The following PTCD2 variants were observed in gnomAD, a reference collection of about 807,000 sequenced individuals.
The protein encoded by PTCD2 is pentatricopeptide repeat-containing protein 2, mitochondrial.
PTCD2 carries 31 observed loss-of-function variants against 42.6 expected under a neutral mutation model. The observed-to-expected ratio is 0.73, with a 90% confidence interval of 0.55 to 0.98. The LOEUF is 0.98. Among genes scored for constraint, PTCD2 ranks in the 50% least tolerant of loss-of-function variants. The probability of loss-of-function intolerance (pLI) is 0.00; values close to 1 mark genes in which losing one functional copy is unlikely to be tolerated. For missense variants in PTCD2, 476 were observed against 454.8 expected, an observed-to-expected ratio of 1.05 and a Z score of -0.42; for synonymous variants, 183 against 170.9, an observed-to-expected ratio of 1.07 and a Z score of -0.55.
chr5:72,334,117 C>G (rs1382746134), intron 4 of PTCD2, among the ~76,000 whole-genome samples: 1 of 152,280 alleles, frequency 6.6e-6, no homozygotes, highest in South Asian at 2.1e-4. Flanking sequence ...GATCCCGCCT[C>G]TCCCTCCCAA....
chr5:72,324,252 A>G (rs921585492), intron 2 of PTCD2, among the ~76,000 whole-genome samples: 2 of 152,240 alleles, frequency 1.3e-5, no homozygotes, highest in Non-Finnish European at 2.9e-5. Context: ...GGCAATTAAT[A>G]TAATCAGTGC....
At chr5:72,345,721 T>A (rs1267494566) in intron 8 of PTCD2, among the ~76,000 whole-genome samples, 1 of 152,258 alleles carries the variant, frequency 6.6e-6, no homozygotes, top group African/African-American at 2.4e-5. Flanking sequence ...ATAGTTGCTA[T>A]CTTTTTGTTG....
chr5:72,344,091 GA>G (rs968350361), intron 8 of PTCD2, among the ~76,000 whole-genome samples: 28 of 152,260 alleles, frequency 1.8e-4, no homozygotes, highest in Admixed American at 5.9e-4. Flanking sequence ...GGAGCAACGT[GA>G]GGGGCCCTTA....
In PTCD2 at chr5:72,363,829, A is replaced by G. The variant is rs981020274; in HGVS notation, c.*5402A>G. On this transcript the variant is annotated 3_prime_UTR_variant, in exon 10 of 10. Coordinates refer to ENST00000380639, the MANE Select transcript of PTCD2 (RefSeq NM_024754.5). ...AAGAAATCCATACAAACTAAGGCCA[A>G]TTGTGGCAAAACTACATGAGACTTG... 6.6e-6 allele frequency: 1 copy of G among 152,248 alleles called. No homozygotes were observed. The highest frequency in any genetic ancestry group is 2.4e-5 in the African/African-American group (1 of 41,468). The allele number at this position is 152,248 out of a possible 1,614,324, so 9.4% of individuals were successfully genotyped here. A position where few individuals can be genotyped will look rare whatever the true frequency, so the allele number is the denominator to read the frequency against.
At position 72,358,826 on chromosome 5, in the gene PTCD2, A is replaced by T. The variant is rs1200407539; in HGVS notation, c.*399A>T. 3 of 212,328 alleles carry T rather than the reference A, an allele frequency of 1.4e-5. No homozygotes were observed. The Admixed American group carries it at 1.6e-4, about 11-fold the overall frequency. 13.2% of individuals were successfully genotyped at this position (212,328 alleles called of 1,614,324 possible). ...TACATCCTTGCTGAATTCAGGAGGT[A>T]TGAAACCCTATTTTACCATGTTAGA... is the stretch of plus-strand genomic sequence containing the variant. On this transcript the variant is annotated 3_prime_UTR_variant, in exon 10 of 10. Transcript: ENST00000380639.
At chr5:72,350,089 C>A (rs1215202880) in intron 8 of PTCD2, among the ~76,000 whole-genome samples, 1 of 152,188 alleles carries the variant, frequency 6.6e-6, no homozygotes, top group Non-Finnish European at 1.5e-5. Flanking sequence ...TTGCCTTGTA[C>A]TACATAGCAC....
At chr5:72,331,776 C>T (rs75614103) in intron 4 of PTCD2, among the ~76,000 whole-genome samples, 2,075 of 152,244 alleles carry the variant, frequency 0.014, 52 homozygotes, top group African/African-American at 0.048. Context: ...AAGTGCTTTT[C>T]TATTTTCAAA....
intron 8 of PTCD2, among the ~76,000 whole-genome samples, chr5:72,352,413 T>C (rs1407201518): frequency 3.3e-5 from 5 of 152,190 alleles, no homozygotes; most frequent in African/African-American, 1.2e-4. Flanking sequence ...CCCAAAGTGC[T>C]GGGATTACAG....
chr5:72,326,576 C>G (rs1751150381), intron 2 of PTCD2, 36 bp from the exon 3 acceptor site: 9 of 1,611,478 alleles, frequency 5.6e-6, no homozygotes, highest in Non-Finnish European at 6.8e-6. Context: ...TCTCAGTCAG[C>G]CTGAGTGATG....
intron 8 of PTCD2, among the ~76,000 whole-genome samples, chr5:72,351,739 G>A (rs1452265562): frequency 6.6e-6 from 1 of 151,992 alleles, no homozygotes. Context: ...GGGGGAAACT[G>A]CCCCCATGAT....
chr5:72,333,339 C>CTT (rs1463893121), intron 4 of PTCD2, among the ~76,000 whole-genome samples: 1 of 152,226 alleles, frequency 6.6e-6, no homozygotes, highest in Non-Finnish European at 1.5e-5. Context: ...ATCTTCTCTA[C>CTT]TTGCTCTTCA....
At chr5:72,346,567 G>A (rs921729698) in intron 8 of PTCD2, among the ~76,000 whole-genome samples, 4 of 152,174 alleles carry the variant, frequency 2.6e-5, no homozygotes, top group Non-Finnish European at 5.9e-5. Context: ...GCTAAAGCAG[G>A]TCTGGGAGGC....
Position 72,343,017 on chromosome 5 carries a change from T to C in PTCD2, c.809T>C (p.Ile270Thr). 2 of 1,590,028 alleles carry C rather than the reference T, an allele frequency of 1.3e-6. No homozygotes were observed. Among genetic ancestry groups the C allele is most frequent in the Non-Finnish European group, 1.7e-6 (2 of 1,165,730 alleles). Residue 270 changes from isoleucine (I) to threonine (T), a missense_variant, in exon 8 of 10, where the codon ATA becomes ACA. Physicochemically the swap from Ile to Thr is moderately conservative, Grantham distance 89 (BLOSUM62 -1). Transcript: ENST00000380639. ...TCTCAAATCATGAATCCAGAAAGCA[T>C]AGCCTGCATTAATTTAAATGTAAGT... ...IFSQIMNPES[I>T]ACINLNIIIH...
At chr5:72,350,463 A>G (rs1005424382) in intron 8 of PTCD2, among the ~76,000 whole-genome samples, 2 of 152,226 alleles carry the variant, frequency 1.3e-5, no homozygotes, top group African/African-American at 4.8e-5. Flanking sequence ...TATAATGGCC[A>G]GTAAGCATGC....
intron 8 of PTCD2, among the ~76,000 whole-genome samples, chr5:72,343,728 A>G (rs1176888841): frequency 6.6e-6 from 1 of 152,170 alleles, no homozygotes; most frequent in Non-Finnish European, 1.5e-5. Context: ...GATTCACGCT[A>G]ATAATAAAGT....
chr5:72,358,683 T>C lies in PTCD2; in HGVS notation c.*256T>C, dbSNP rs1306208413. 5.8e-6 allele frequency: 3 copies of C among 512,936 alleles called. No individual in the cohort carries two copies. The highest frequency in any genetic ancestry group is 1.1e-5 in the Non-Finnish European group (3 of 284,060). 31.8% of individuals were successfully genotyped at this position (512,936 alleles called of 1,614,324 possible). ...ATGGCTGAGGATCCTTGAAGGAACC[T>C]GGTCAGTCTCCGGTTCAGCTTCCGA... On this transcript the variant is annotated 3_prime_UTR_variant, in exon 10 of 10. Transcript: ENST00000380639.
chr5:72,326,584 A>G (rs745473096), intron 2 of PTCD2, 28 bp from the exon 3 acceptor site: 18 of 1,613,086 alleles, frequency 1.1e-5, no homozygotes, highest in Non-Finnish European at 1.4e-5. Context: ...AGCCTGAGTG[A>G]TGGTCACCAT....
Sources: gnomAD v4.1 joint callset for allele counts (sites outside exome capture counted in the v4.1 genomes callset) on GRCh38, gnomAD v4.1.1 for gene constraint, MANE v1.5 for transcripts, NCBI Gene and HGNC (gene_info 2026-07-23, HGNC 2026-07-21) for gene names.